MVB12B: variants seen among roughly 807,000 people sequenced by gnomAD.
MVB12B encodes multivesicular body subunit 12B.
MVB12B carries 16 observed loss-of-function variants against 41.6 expected under a neutral mutation model. That is an observed-to-expected ratio of 0.38 (90% CI 0.26 to 0.58). MVB12B has a LOEUF of 0.58. MVB12B is among the 20% of genes least tolerant of loss of function. The probability of loss-of-function intolerance (pLI) is 0.62; values close to 1 mark genes in which losing one functional copy is unlikely to be tolerated. For missense variants in MVB12B, 274 were observed against 380.2 expected (o/e 0.72, Z 2.32); for synonymous variants, 133 against 139.7 (o/e 0.95, Z 0.34).
At chr9:126,483,388 T>C (rs1477300012) in intron 8 of MVB12B, among the ~76,000 whole-genome samples, 1 of 152,214 alleles carries the variant, frequency 6.6e-6, no homozygotes, top group East Asian at 1.9e-4. Flanking sequence ...TGCAATGTTA[T>C]CATTTTTTCC....
intron 1 of MVB12B, among the ~76,000 whole-genome samples, chr9:126,337,890 G>A (rs1588083577): frequency 6.6e-6 from 1 of 152,360 alleles, no homozygotes; most frequent in East Asian, 1.9e-4. Context: ...CTGGCTTGAG[G>A]CTCCGCGCGG....
At chr9:126,469,114 T>G (rs1171807793) in intron 7 of MVB12B, among the ~76,000 whole-genome samples, 1 of 152,212 alleles carries the variant, frequency 6.6e-6, no homozygotes, top group African/African-American at 2.4e-5. Context: ...ATTTCGGGGC[T>G]ACACACAGCT....
In MVB12B at chr9:126,468,120, T is replaced by C. The variant is rs961067312; in HGVS notation, c.758-13249T>C. Among the ~76,000 whole-genome samples the C allele has an allele frequency of 1.3e-5, 2 of 152,200 alleles. No homozygotes were observed. Among genetic ancestry groups the C allele is most frequent in the Non-Finnish European group, 2.9e-5 (2 of 68,038 alleles). ...CACAGAGTACATTCTGATCTTCCCATTGTTTTTGCCAGCTTGGAACGTTAA... is the reference window on the plus strand; with the variant it reads ...CACAGAGTACATTCTGATCTTCCCACTGTTTTTGCCAGCTTGGAACGTTAA... On this transcript the variant is annotated intron_variant, in intron 7 of 9. Coordinates refer to ENST00000361171, the MANE Select transcript of MVB12B (RefSeq NM_033446.3). This position sits in a 1 kb window ranked among gnomAD's most constrained non-coding sequence, Gnocchi z 4.3.
At chr9:126,476,622 A>G (rs1833426612) in intron 7 of MVB12B, among the ~76,000 whole-genome samples, 1 of 152,192 alleles carries the variant, frequency 6.6e-6, no homozygotes, top group African/African-American at 2.4e-5. Flanking sequence ...CACGCCTGTA[A>G]TCCCAAGACT....
At position 126,500,551 on chromosome 9, in the gene MVB12B, T is replaced by C. The variant is rs114167569; in HGVS notation, c.874-2626T>C. Among the ~76,000 whole-genome samples the C allele has an allele frequency of 6.6e-3, 1,003 of 152,334 alleles. 16 individuals are homozygous for C. Among genetic ancestry groups the C allele is most frequent in the African/African-American group, 0.023 (963 of 41,572 alleles). ...GCAGCATGGGGTTACCTGGGAGCTA[T>C]TTGAAATGCAGATTCTCAGGCCTGG... On this transcript the variant is annotated intron_variant, in intron 9 of 9. Transcript: ENST00000361171.
In MVB12B at chr9:126,386,573, G is replaced by A; in HGVS notation, c.324G>A (p.Gly108=). Residue 108 remains glycine (G), a synonymous_variant, in exon 4 of 10, where the codon GGG becomes GGA. Transcript: ENST00000361171. The surrounding 1 kb of genome is among the most constrained non-coding windows in gnomAD (Gnocchi z 4.3). ...TCTTTCTTCCCAAGAGTCATCTGGG[G>A]AACGTGTTAGTAGATATGAAGCTCA... ...RSFSKENSHL[G]NVLVDMKLID... The A allele has an allele frequency of 4.3e-6, 7 of 1,613,264 alleles. No individual in the cohort carries two copies. The highest frequency in any genetic ancestry group is 5.9e-6 in the Non-Finnish European group (7 of 1,179,252).
chr9:126,449,648 T>G (rs1308294638), intron 7 of MVB12B, among the ~76,000 whole-genome samples: 1 of 152,226 alleles, frequency 6.6e-6, no homozygotes, highest in East Asian at 1.9e-4. Context: ...CAGTATGTTC[T>G]GAGTCCCATG....
chr9:126,426,773 C>T (rs1832190433), intron 7 of MVB12B: 1 of 152,186 alleles, frequency 6.6e-6, no homozygotes, highest in African/African-American at 2.4e-5. Context: ...AGATTAGGTT[C>T]TGAGGCAGAG....
At chr9:126,427,653 C>A (rs987965324) in intron 7 of MVB12B, among the ~76,000 whole-genome samples, 1 of 152,142 alleles carries the variant, frequency 6.6e-6, no homozygotes, top group African/African-American at 2.4e-5. Flanking sequence ...TAAAATTAAG[C>A]AAATACCTAT....
intron 7 of MVB12B, among the ~76,000 whole-genome samples, chr9:126,424,754 G>A (rs1457672523): frequency 6.6e-6 from 1 of 152,266 alleles, no homozygotes; most frequent in African/African-American, 2.4e-5. Context: ...TGAGATGCCT[G>A]TGGCCTGCGC....
chr9:126,330,316 C>G (rs1203150006), intron 1 of MVB12B, among the ~76,000 whole-genome samples: 1 of 151,370 alleles, frequency 6.6e-6, no homozygotes, highest in Non-Finnish European at 1.5e-5. Flanking sequence ...CACACACACA[C>G]ACACACACAT....
At position 126,460,710 on chromosome 9, in the gene MVB12B, G is replaced by A. The variant is rs2119175490; in HGVS notation, c.758-20659G>A. 2.0e-5 allele frequency among the ~76,000 whole-genome samples: 3 copies of A among 152,188 alleles called. 1 individual carries two copies. In the South Asian group the frequency reaches 6.2e-4, roughly 32 times the overall value. On this transcript the variant is annotated intron_variant, in intron 7 of 9. Coordinates refer to ENST00000361171, the MANE Select transcript of MVB12B (RefSeq NM_033446.3). ...GGGGGTGGTAGCGGCCAGTGGAGGT[G>A]GGGAGGAGGGCAAGTTCCAGAGTGA...
rs1238562539 is a variant in MVB12B at position 126,381,046 on chromosome 9, T to G, written c.205-18T>G. ...TCCTGCCTTACCTGCAATCCTTTTCTCTGTCTCTCCGGTGTAGGTTGCACA... is the reference window on the plus strand; with the variant it reads ...TCCTGCCTTACCTGCAATCCTTTTCGCTGTCTCTCCGGTGTAGGTTGCACA... On this transcript the variant is annotated intron_variant, in intron 2 of 9. Coordinates refer to ENST00000361171, the MANE Select transcript of MVB12B (RefSeq NM_033446.3). The G allele has an allele frequency of 6.2e-7, 1 of 1,608,064 alleles. No homozygotes were observed.
rs1421120320 is a variant in MVB12B at position 126,436,932 on chromosome 9, T to C, written c.757+14984T>C. Reference sequence around the variant, plus strand: ...ATTTTAGGTGGACCAATTAAAACTTTGGAAGCTAATTTTTTGCTGAGCAGA... The same window carrying C: ...ATTTTAGGTGGACCAATTAAAACTTCGGAAGCTAATTTTTTGCTGAGCAGA... On this transcript the variant is annotated intron_variant, in intron 7 of 9. Transcript: ENST00000361171. This position sits in a 1 kb window ranked among gnomAD's most constrained non-coding sequence, Gnocchi z 4.1. Among the ~76,000 whole-genome samples, 2 of 152,246 alleles carry C rather than the reference T, an allele frequency of 1.3e-5. No individual in the cohort carries two copies. The highest frequency in any genetic ancestry group is 2.9e-5 in the Non-Finnish European group (2 of 68,036).
At chr9:126,331,792 C>T (rs899889655) in intron 1 of MVB12B, among the ~76,000 whole-genome samples, 1 of 152,232 alleles carries the variant, frequency 6.6e-6, no homozygotes, top group African/African-American at 2.4e-5. Flanking sequence ...CTCTGCTCTG[C>T]CTGACTTTCC....
chr9:126,410,141 T>TTGTGTGTGTGTG (rs3222493), intron 6 of MVB12B, among the ~76,000 whole-genome samples: 60 of 148,468 alleles, frequency 4.0e-4, no homozygotes, highest in Non-Finnish European at 4.5e-4. Flanking sequence ...TGATTTGGTT[T>TTGTGTGTGTGTG]TGTGTGTGTG....
intron 6 of MVB12B, among the ~76,000 whole-genome samples, chr9:126,418,166 GGGTGGGGGGT>G (rs1020527819): frequency 6.6e-6 from 1 of 151,948 alleles, no homozygotes; most frequent in Non-Finnish European, 1.5e-5. Context: ...GGAGTTGGCG[GGGTGGGGGGT>G]GGTGGGCAGA....
rs1177656935 is a variant in MVB12B at position 126,396,893 on chromosome 9, G to A, written c.662+1196G>A. The stretch of plus-strand genomic sequence containing the variant: ...TTGAGTCTCTGTTGGGTTCAAGAGT[G>A]TGAGGTTCGCACTGCCCATCAGCAC... On this transcript the variant is annotated intron_variant, in intron 6 of 9. Coordinates refer to ENST00000361171, the MANE Select transcript of MVB12B (RefSeq NM_033446.3). 5 of 985,382 alleles carry A rather than the reference G, an allele frequency of 5.1e-6. No individual in the cohort carries two copies. In the East Asian group the frequency reaches 4.5e-4, roughly 89 times the overall value. 61.0% of individuals were successfully genotyped at this position (985,382 alleles called of 1,614,324 possible). A position where few individuals can be genotyped will look rare whatever the true frequency, so the allele number is the denominator to read the frequency against.
chr9:126,348,913 G>A (rs934091538), intron 2 of MVB12B, among the ~76,000 whole-genome samples: 3 of 152,086 alleles, frequency 2.0e-5, no homozygotes, highest in Non-Finnish European at 2.9e-5. Context: ...GTTTTAAAAC[G>A]TGCCCAGGTT....
Sources: allele counts gnomAD v4.1 joint callset (sites outside exome capture counted in the v4.1 genomes callset), GRCh38; gene constraint gnomAD v4.1.1; non-coding constraint Gnocchi (gnomAD v3.1); transcripts MANE v1.5; gene names NCBI Gene and HGNC (gene_info 2026-07-23, HGNC 2026-07-21).